Variants in ARPP21 observed in about 807,000 individuals in gnomAD.
ARPP21 encodes the protein cAMP-regulated phosphoprotein 21.
A neutral mutation model predicts 113.2 loss-of-function variants in ARPP21; 69 were observed. The ratio of observed to expected loss-of-function variants is 0.61; its 90% CI spans 0.50 to 0.74. The LOEUF (loss-of-function observed/expected upper bound fraction) is 0.74. Among genes scored for constraint, ARPP21 ranks in the 30% least tolerant of loss-of-function variants. ARPP21 has a pLI of 0.00. For missense variants in ARPP21, 1,070 were observed against 1,037.4 expected (o/e 1.03, Z -0.43); for synonymous variants, 368 against 375.5 (o/e 0.98, Z 0.23).
At chr3:35,768,882 A>G (rs2096084980) in intron 19 of ARPP21, among the ~76,000 whole-genome samples, 1 of 152,196 alleles carries the variant, frequency 6.6e-6, no homozygotes, top group African/African-American at 2.4e-5. Context: ...CTTTACAGGC[A>G]TAGTTTACTA....
intron 9 of ARPP21, among the ~76,000 whole-genome samples, chr3:35,696,880 A>T (rs1480573123): frequency 6.6e-6 from 1 of 151,552 alleles, no homozygotes; most frequent in Non-Finnish European, 1.5e-5. Context: ...TCCGATCTTC[A>T]GTTTCTCTCT....
At chr3:35,650,035 A>G (rs1443720966) in intron 1 of ARPP21, among the ~76,000 whole-genome samples, 1 of 152,158 alleles carries the variant, frequency 6.6e-6, no homozygotes, top group African/African-American at 2.4e-5. Flanking sequence ...ACACAAACAA[A>G]AAACAAAACC....
intron 9 of ARPP21, among the ~76,000 whole-genome samples, chr3:35,704,611 T>C (rs1216548892): frequency 6.6e-6 from 1 of 151,992 alleles, no homozygotes; most frequent in Non-Finnish European, 1.5e-5. Flanking sequence ...TCACTAATGC[T>C]CTAAATTTGA....
chr3:35,775,156 C>G (rs2096320468), intron 19 of ARPP21: 1 of 152,182 alleles, frequency 6.6e-6, no homozygotes, highest in Admixed American at 6.5e-5. Flanking sequence ...GAGCATGCCA[C>G]AACTTAATCA....
chr3:35,684,663 T>A, intron 5 of ARPP21: 1 of 985,404 alleles, frequency 1.0e-6, no homozygotes, highest in Non-Finnish European at 1.2e-6. Flanking sequence ...ATTATTTTTG[T>A]TTGGTTTGGT....
In ARPP21 at chr3:35,788,109, A is replaced by G. The variant is rs571802193; in HGVS notation, c.2138-4273A>G. Among the ~76,000 whole-genome samples, 6 of 152,356 alleles carry G rather than the reference A, an allele frequency of 3.9e-5. No homozygotes were observed. In the South Asian group the frequency reaches 1.2e-3, roughly 32 times the overall value. ...GAAGATAAAGTACAGAAGAATTGAC[A>G]GGGAGCCAAGAAAACAGAACCAGGC... On this transcript the variant is annotated intron_variant, in intron 19 of 20. Transcript: ENST00000684406.
At chr3:35,709,166 G>C in intron 11 of ARPP21, 96 bp downstream of exon 11, 1 of 819,336 alleles carries the variant, frequency 1.2e-6, no homozygotes, top group Admixed American at 2.3e-5. Context: ...GGAATAAAAA[G>C]GCTGGAGCCA....
intron 15 of ARPP21, among the ~76,000 whole-genome samples, chr3:35,734,101 G>A (rs921532206): frequency 6.6e-6 from 1 of 152,132 alleles, no homozygotes; most frequent in African/African-American, 2.4e-5. Context: ...GTGCGTATGT[G>A]TGTGTGGCTG....
intron 1 of ARPP21, among the ~76,000 whole-genome samples, chr3:35,674,671 T>G (rs893100299): frequency 6.6e-6 from 1 of 151,852 alleles, no homozygotes; most frequent in Admixed American, 6.6e-5. Context: ...GACAACTTTA[T>G]GGCATTCTGA....
intron 5 of ARPP21, chr3:35,685,173 G>C (rs147873012): frequency 8.4e-4 from 823 of 985,356 alleles, no homozygotes; most frequent in Admixed American, 1.7e-3. Context: ...TGTCCCATTT[G>C]ACAAGGTACC....
intron 3 of ARPP21, chr3:35,682,535 A>G (rs2079223082): frequency 3.4e-6 from 1 of 290,582 alleles, no homozygotes; most frequent in African/African-American, 2.2e-5. Flanking sequence ...AACTCTTTAT[A>G]TACCAACAGT....
chr3:35,722,386 T>G (rs1411339028), intron 14 of ARPP21, among the ~76,000 whole-genome samples: 1 of 152,196 alleles, frequency 6.6e-6, no homozygotes, highest in Non-Finnish European at 1.5e-5. Context: ...CTCTGTTTTC[T>G]TCATCTGATA....
intron 19 of ARPP21, among the ~76,000 whole-genome samples, 158 bp downstream of exon 19, chr3:35,744,123 A>C (rs2094858623): frequency 6.6e-6 from 1 of 152,224 alleles, no homozygotes; most frequent in Admixed American, 6.5e-5. Context: ...TGTGTGGAAA[A>C]GTAGTAGGTA....
intron 19 of ARPP21, among the ~76,000 whole-genome samples, chr3:35,751,247 T>C (rs2095394612): frequency 6.6e-6 from 1 of 152,166 alleles, no homozygotes; most frequent in African/African-American, 2.4e-5. Context: ...AAAATCCCTT[T>C]TCTCTTCTAC....
intron 2 of ARPP21, among the ~76,000 whole-genome samples, chr3:35,680,372 G>C (rs960728912): frequency 2.6e-5 from 4 of 151,856 alleles, no homozygotes; most frequent in African/African-American, 4.8e-5. Flanking sequence ...TCACTTTACA[G>C]ACTCAAACTA....
At chr3:35,650,580 T>C (rs1701997359) in intron 1 of ARPP21, 1 of 152,040 alleles carries the variant, frequency 6.6e-6, no homozygotes, top group African/African-American at 2.4e-5. Context: ...GCGTACACTT[T>C]GAGGGTAGAA....
At chr3:35,704,634 A>G (rs2087972525) in intron 9 of ARPP21, among the ~76,000 whole-genome samples, 1 of 152,020 alleles carries the variant, frequency 6.6e-6, no homozygotes, top group African/African-American at 2.4e-5. Context: ...TTATACTCCT[A>G]CTAACCAAAT....
intron 11 of ARPP21, among the ~76,000 whole-genome samples, chr3:35,712,830 A>C (rs1302938637): frequency 6.6e-6 from 1 of 152,136 alleles, no homozygotes; most frequent in Non-Finnish European, 1.5e-5. Flanking sequence ...CTTTGGCAAA[A>C]CTTTATATTT....
intron 16 of ARPP21, among the ~76,000 whole-genome samples, chr3:35,737,736 A>G (rs1438606784): frequency 6.6e-6 from 1 of 152,136 alleles, no homozygotes; most frequent in Non-Finnish European, 1.5e-5. Context: ...GTCTGCAAAG[A>G]GTCAATACTG....
Sources: allele counts gnomAD v4.1 joint callset (sites outside exome capture counted in the v4.1 genomes callset), GRCh38; gene constraint gnomAD v4.1.1; transcripts MANE v1.5; gene names NCBI Gene and HGNC (gene_info 2026-07-23, HGNC 2026-07-21).